Variants in ABTB3 observed in about 807,000 individuals in gnomAD.
ABTB3 encodes ankyrin repeat and BTB domain containing 3, also known as ankyrin repeat- and BTB/POZ domain-containing protein 3.
the ABTB3 span, among the ~76,000 whole-genome samples, chr12:107,541,830 A>G: frequency 1.3e-5 from 2 of 152,318 alleles, no homozygotes; most frequent in South Asian, 4.1e-4. Flanking sequence ...TTACCTGGTG[A>G]CAAAATAATC....
the ABTB3 span, among the ~76,000 whole-genome samples, chr12:107,457,445 G>A: frequency 6.6e-6 from 1 of 152,318 alleles, no homozygotes; most frequent in East Asian, 1.9e-4. Flanking sequence ...CGAAGACATT[G>A]GTTATGCCGA....
chr12:107,635,863 C>T, the ABTB3 span, among the ~76,000 whole-genome samples: 1 of 84,344 alleles, frequency 1.2e-5, no homozygotes, highest in Non-Finnish European at 2.7e-5. Flanking sequence ...CCCCCCCCCC[C>T]ACCCACCCAC....
chr12:107,637,833 T>TGG, the ABTB3 span, among the ~76,000 whole-genome samples: 258 of 143,988 alleles, frequency 1.8e-3, 4 homozygotes, highest in East Asian at 0.018. Context: ...TGTGTGTGTG[T>TGG]GGTATGGTGT....
At chr12:107,571,866 C>T in the ABTB3 span, among the ~76,000 whole-genome samples, 2 of 152,232 alleles carry the variant, frequency 1.3e-5, no homozygotes, top group African/African-American at 4.8e-5. Context: ...GGACACTGAG[C>T]TTGCTGAGCA....
chr12:107,498,071 T>C, the ABTB3 span, among the ~76,000 whole-genome samples: 1 of 152,176 alleles, frequency 6.6e-6, no homozygotes. Flanking sequence ...AGTGATGTCT[T>C]CAATGGGCTG....
chr12:107,593,552 TATA>T, the ABTB3 span, among the ~76,000 whole-genome samples: 1 of 152,230 alleles, frequency 6.6e-6, no homozygotes, highest in African/African-American at 2.4e-5. Flanking sequence ...CTAGCTAGCA[TATA>T]CTTAGCACTT....
the ABTB3 span, among the ~76,000 whole-genome samples, chr12:107,502,016 G>A: frequency 3.3e-5 from 5 of 151,840 alleles, no homozygotes; most frequent in Non-Finnish European, 7.4e-5. Flanking sequence ...CCTGGGTGAT[G>A]TCCCCAGAAA....
At chr12:107,578,033 C>T in the ABTB3 span, among the ~76,000 whole-genome samples, 2 of 152,126 alleles carry the variant, frequency 1.3e-5, no homozygotes, top group South Asian at 4.2e-4. Context: ...AAAGAGAATG[C>T]AAGATTTTTT....
the ABTB3 span, among the ~76,000 whole-genome samples, chr12:107,572,958 G>A: frequency 0.11 from 16,280 of 152,184 alleles, 1,181 homozygotes; most frequent in East Asian, 0.25. Context: ...GGTCAGTCAC[G>A]TGCGTCTGGG....
At chr12:107,350,673 G>A in the ABTB3 span, among the ~76,000 whole-genome samples, 1 of 152,110 alleles carries the variant, frequency 6.6e-6, no homozygotes, top group Non-Finnish European at 1.5e-5. Context: ...AATTTCCAAA[G>A]CATCTCTTTG....
chr12:107,542,991 C>A, the ABTB3 span, among the ~76,000 whole-genome samples: 1 of 152,118 alleles, frequency 6.6e-6, no homozygotes, highest in Non-Finnish European at 1.5e-5. Flanking sequence ...CAAGTAGTTC[C>A]AGCCTGCATT....
the ABTB3 span, among the ~76,000 whole-genome samples, chr12:107,596,803 T>C: frequency 7.9e-5 from 12 of 152,264 alleles, no homozygotes; most frequent in African/African-American, 2.6e-4. Flanking sequence ...CCTTAAGTTC[T>C]TTTCCAGTCA....
chr12:107,581,704 T>C, the ABTB3 span, among the ~76,000 whole-genome samples: 1 of 152,174 alleles, frequency 6.6e-6, no homozygotes, highest in Non-Finnish European at 1.5e-5. Context: ...CGTTTTCACT[T>C]GCGTGAGGAT....
At chr12:107,444,083 G>A in the ABTB3 span, among the ~76,000 whole-genome samples, 3 of 152,208 alleles carry the variant, frequency 2.0e-5, no homozygotes, top group East Asian at 3.9e-4. Flanking sequence ...AGAGTGGGTA[G>A]AATGGCCAGC....
At chr12:107,344,553 C>A in the ABTB3 span, among the ~76,000 whole-genome samples, 1 of 152,180 alleles carries the variant, frequency 6.6e-6, no homozygotes, top group Non-Finnish European at 1.5e-5. Flanking sequence ...AAGACCTCAT[C>A]CCCAGTCAAG....
At chr12:107,430,986 A>G in the ABTB3 span, among the ~76,000 whole-genome samples, 2 of 152,244 alleles carry the variant, frequency 1.3e-5, no homozygotes, top group Non-Finnish European at 2.9e-5. Flanking sequence ...ACTTTATAAA[A>G]TAAATGGAAA....
At chr12:107,504,057 G>C in the ABTB3 span, among the ~76,000 whole-genome samples, 1 of 152,188 alleles carries the variant, frequency 6.6e-6, no homozygotes, top group Non-Finnish European at 1.5e-5. Flanking sequence ...CCTTCCCCAA[G>C]GGCTCCTGGC....
At chr12:107,588,359 T>C in the ABTB3 span, among the ~76,000 whole-genome samples, 2 of 152,318 alleles carry the variant, frequency 1.3e-5, no homozygotes, top group African/African-American at 4.8e-5. Flanking sequence ...TTGTGGCTTG[T>C]GCCTGTCTTG....
chr12:107,453,508 G>A, the ABTB3 span, among the ~76,000 whole-genome samples: 5 of 152,210 alleles, frequency 3.3e-5, no homozygotes, highest in Admixed American at 6.5e-5. Context: ...GCCAGGAATC[G>A]GGCCCTTGCC....
Sources: allele counts gnomAD v4.1 joint callset (sites outside exome capture counted in the v4.1 genomes callset), GRCh38; gene constraint gnomAD v4.1.1; transcripts MANE v1.5; gene names NCBI Gene and HGNC (gene_info 2026-07-23, HGNC 2026-07-21).